The following CXCL13 variants were observed in gnomAD, a reference collection of about 807,000 sequenced individuals.
CXCL13 encodes the protein C-X-C motif chemokine ligand 13.
In CXCL13, 7 loss-of-function variants were observed where a neutral mutation model predicts 12.2. The ratio of observed to expected loss-of-function variants is 0.57; its 90% CI spans 0.33 to 1.07. The LOEUF is 1.07. Ranked by LOEUF, CXCL13 falls within the 50% of genes least tolerant of loss-of-function variation. The pLI, the probability that CXCL13 is intolerant of heterozygous loss-of-function variation, is 0.04. For missense variants in CXCL13, 113 were observed against 127.4 expected (o/e 0.89, Z 0.55); for synonymous variants, 47 against 42.4 (o/e 1.11, Z -0.42).
chr4:77,536,403 A>G lies in CXCL13; in HGVS notation c.-43+24615A>G, dbSNP rs147647897. Among the ~76,000 whole-genome samples, 666 of 152,318 alleles carry G rather than the reference A, an allele frequency of 4.4e-3. 17 individuals are homozygous for G. The highest frequency in any genetic ancestry group is 0.026 in the East Asian group (134 of 5,174). On this transcript the variant is annotated intron_variant, in intron 1 of 4. Transcript: ENST00000286758. ...GGGTGTGGCTCCATCATGAAGAAGAAGCAGAGTTTAATCACTAAGAGTATA... is the reference window on the plus strand; with the variant it reads ...GGGTGTGGCTCCATCATGAAGAAGAGGCAGAGTTTAATCACTAAGAGTATA...
intron 1 of CXCL13, among the ~76,000 whole-genome samples, chr4:77,562,177 C>A (rs953290946): frequency 6.8e-6 from 1 of 146,980 alleles, no homozygotes; most frequent in Non-Finnish European, 1.5e-5. Flanking sequence ...TGCCCCCACC[C>A]CCCCATCACT....
At chr4:77,556,009 C>A (rs1725648731) in intron 1 of CXCL13, among the ~76,000 whole-genome samples, 2 of 152,142 alleles carry the variant, frequency 1.3e-5, no homozygotes, top group South Asian at 4.1e-4. Flanking sequence ...ATTGCTGAGA[C>A]AAATGTAGAA....
intron 1 of CXCL13, among the ~76,000 whole-genome samples, chr4:77,515,088 G>C (rs550701646): frequency 1.4e-3 from 211 of 152,170 alleles, no homozygotes; most frequent in Middle Eastern, 6.8e-3. Context: ...GCTTGTTTTT[G>C]TCAGGTTTGT....
intron 1 of CXCL13, among the ~76,000 whole-genome samples, chr4:77,512,482 T>C (rs1578029051): frequency 1.3e-5 from 2 of 152,156 alleles, no homozygotes; most frequent in Admixed American, 1.3e-4. Flanking sequence ...GATGTCAGCA[T>C]GGTTGGTTTC....
chr4:77,573,642 C>A (rs1726144916), intron 1 of CXCL13, among the ~76,000 whole-genome samples: 1 of 151,782 alleles, frequency 6.6e-6, no homozygotes, highest in Admixed American at 6.6e-5. Context: ...TTGGCCAATT[C>A]AGATGTTATT....
rs1423178982 is a variant in CXCL13, at chr4:77,575,379, GT to G, written c.-42-30443del. The stretch of plus-strand genomic sequence containing the variant: ...TTTGCTACATAGGTATCTATCCCAT[GT>G]TGATTTGCTGCACCCATCAACTCAT... On this transcript the variant is annotated intron_variant, in intron 1 of 4. Coordinates refer to the CXCL13 transcript ENST00000286758. Among the ~76,000 whole-genome samples the G allele has an allele frequency of 5.3e-5, 8 of 151,858 alleles. No homozygotes were observed. In the East Asian group the frequency reaches 1.2e-3, roughly 22 times the overall value.
chr4:77,561,328 A>C (rs1280382319), intron 1 of CXCL13, among the ~76,000 whole-genome samples: 1 of 152,192 alleles, frequency 6.6e-6, no homozygotes, highest in Non-Finnish European at 1.5e-5. Flanking sequence ...AATTCCTATC[A>C]ATATTTAAGT....
At position 77,546,498 on chromosome 4, in the gene CXCL13, T is replaced by A. The variant is rs185046355; in HGVS notation, c.-43+34710T>A. On this transcript the variant is annotated intron_variant, in intron 1 of 4. Transcript: ENST00000286758. ...TGGGAGGGTGTATGTGTCCAGGAAT[T>A]TGTCCATTTCTTCCAGATTTTCTAG... Among the ~76,000 whole-genome samples, 380 of 152,320 alleles carry A rather than the reference T, an allele frequency of 2.5e-3. 1 individual carries two copies. The highest frequency in any genetic ancestry group is 8.8e-3 in the African/African-American group (364 of 41,570).
At chr4:77,523,654 A>G (rs1724678190) in intron 1 of CXCL13, among the ~76,000 whole-genome samples, 1 of 152,222 alleles carries the variant, frequency 6.6e-6, no homozygotes, top group Non-Finnish European at 1.5e-5. Context: ...ATGGGTTAGA[A>G]CATGCTCCTT....
At position 77,542,463 on chromosome 4, in the gene CXCL13, T is replaced by C. The variant is rs139617641; in HGVS notation, c.-43+30675T>C. ...AGAGTTTTTTCTGTGTCTATTGAAA[T>C]GAGTGCAAGGTGTCTTAGTCTGTTC... On this transcript the variant is annotated intron_variant, in intron 1 of 4. Transcript: ENST00000286758. Among the ~76,000 whole-genome samples the C allele has an allele frequency of 5.3e-4, 80 of 152,268 alleles. No homozygotes were observed. The Middle Eastern group carries it at 0.014, about 26-fold the overall frequency.
intron 1 of CXCL13, among the ~76,000 whole-genome samples, chr4:77,522,325 C>G (rs962386979): frequency 6.6e-6 from 1 of 151,976 alleles, no homozygotes; most frequent in Non-Finnish European, 1.5e-5. Flanking sequence ...GTCTAAGTCT[C>G]TTTGTAGGTC....
intron 1 of CXCL13, among the ~76,000 whole-genome samples, chr4:77,517,234 G>A (rs1329351236): frequency 6.6e-6 from 1 of 152,230 alleles, no homozygotes; most frequent in South Asian, 2.1e-4. Context: ...CAACTATGTG[G>A]TCAATTTTGG....
intron 1 of CXCL13, among the ~76,000 whole-genome samples, chr4:77,532,405 C>T (rs546618219): frequency 1.4e-4 from 21 of 152,246 alleles, no homozygotes; most frequent in Admixed American, 3.3e-4. Context: ...GAATTTCTGC[C>T]GAGAAATCAG....
chr4:77,605,460 T>C (rs1373698723), upstream of CXCL13, among the ~76,000 whole-genome samples: 2 of 152,052 alleles, frequency 1.3e-5, no homozygotes, highest in African/African-American at 2.4e-5. Context: ...ATGGAGTATA[T>C]ATCTAATGCC....
chr4:77,601,101 G>A (rs1726870679), upstream of CXCL13, among the ~76,000 whole-genome samples: 1 of 152,116 alleles, frequency 6.6e-6, no homozygotes, highest in African/African-American at 2.4e-5. Context: ...CACCCTACAA[G>A]GTAATAGCTT....
At chr4:77,550,309 T>G (rs1725479621) in intron 1 of CXCL13, among the ~76,000 whole-genome samples, 1 of 152,154 alleles carries the variant, frequency 6.6e-6, no homozygotes, top group Admixed American at 6.5e-5. Context: ...GGTGAGATGA[T>G]GCCCCACCCT....
At chr4:77,600,597 A>G (rs139835084) in intron 1 of CXCL13, among the ~76,000 whole-genome samples, 2 of 152,246 alleles carry the variant, frequency 1.3e-5, no homozygotes, top group Non-Finnish European at 2.9e-5. Flanking sequence ...GAGAAACAAG[A>G]TGAGTATTTT....
chr4:77,553,579 C>T (rs1406195506), intron 1 of CXCL13, among the ~76,000 whole-genome samples: 1 of 152,222 alleles, frequency 6.6e-6, no homozygotes, highest in Non-Finnish European at 1.5e-5. Flanking sequence ...CAGAGATAGG[C>T]TCTCTGCCTC....
intron 2 of CXCL13, among the ~76,000 whole-genome samples, chr4:77,608,971 A>G (rs1189206963): frequency 6.6e-6 from 1 of 152,244 alleles, no homozygotes; most frequent in Non-Finnish European, 1.5e-5. Context: ...TTGAAATGAC[A>G]AAAATCTGAT....
Sources: gnomAD v4.1 joint callset for allele counts (sites outside exome capture counted in the v4.1 genomes callset) on GRCh38, gnomAD v4.1.1 for gene constraint, MANE v1.5 for transcripts, NCBI Gene and HGNC (gene_info 2026-07-23, HGNC 2026-07-21) for gene names.